ATAD2B: variants seen among roughly 807,000 people sequenced by gnomAD.
The protein encoded by ATAD2B is ATPase family AAA domain containing 2B, also known as ATPase family AAA domain-containing protein 2B.
A neutral mutation model predicts 167.6 loss-of-function variants in ATAD2B; 40 were observed. The ratio of observed to expected loss-of-function variants is 0.24; its 90% CI spans 0.19 to 0.31. The LOEUF (loss-of-function observed/expected upper bound fraction) is 0.31, where lower values mean the gene tolerates loss of function less well. Among genes scored for constraint, ATAD2B ranks in the 10% least tolerant of loss-of-function variants. The pLI, the probability that ATAD2B is intolerant of heterozygous loss-of-function variation, is 1.00. For synonymous variants in ATAD2B, 579 were observed against 596.5 expected, an observed-to-expected ratio of 0.97 and a Z score of 0.43; for missense variants, 1,242 against 1,757.2, an observed-to-expected ratio of 0.71 and a Z score of 5.24.
intron 24 of ATAD2B, among the ~76,000 whole-genome samples, chr2:23,761,846 A>G (rs192784095): frequency 6.6e-6 from 1 of 152,310 alleles, no homozygotes; most frequent in East Asian, 1.9e-4. Flanking sequence ...GGGAGTGTCC[A>G]TTTCCCACCC....
At chr2:23,784,947 C>T (rs138882182) in intron 21 of ATAD2B, among the ~76,000 whole-genome samples, 79 of 152,114 alleles carry the variant, frequency 5.2e-4, no homozygotes, top group African/African-American at 1.8e-3. Context: ...AAGTCTGTTT[C>T]CTCAACTGCA....
At chr2:23,790,740 C>G (rs1681556936) in intron 19 of ATAD2B, among the ~76,000 whole-genome samples, 1 of 152,232 alleles carries the variant, frequency 6.6e-6, no homozygotes. Context: ...ATAGTATTCA[C>G]TCATTCCTGA....
At chr2:23,879,393 A>C (rs1470812037) in intron 7 of ATAD2B, among the ~76,000 whole-genome samples, 3 of 152,176 alleles carry the variant, frequency 2.0e-5, no homozygotes, top group African/African-American at 7.2e-5. Context: ...GAATCCCTTC[A>C]GGCCAGGAGT....
At chr2:23,884,975 AC>A (rs1388921596) in intron 5 of ATAD2B, 102 bp from the exon 6 acceptor site, 4 of 509,882 alleles carry the variant, frequency 7.8e-6, no homozygotes, top group Non-Finnish European at 1.3e-5. Context: ...TTTATTGAGC[AC>A]CTATTTGCGT....
intron 23 of ATAD2B, among the ~76,000 whole-genome samples, chr2:23,764,274 G>A (rs942324069): frequency 1.3e-5 from 2 of 152,132 alleles, no homozygotes; most frequent in African/African-American, 2.4e-5. Flanking sequence ...AAGGCAATTC[G>A]ACCAATTCAT....
the ATAD2B span, among the ~76,000 whole-genome samples, chr2:23,742,865 A>C: frequency 6.6e-6 from 1 of 152,168 alleles, no homozygotes; most frequent in Non-Finnish European, 1.5e-5. Context: ...TGAAAAATTC[A>C]CTCAAGAAAA....
intron 22 of ATAD2B, among the ~76,000 whole-genome samples, chr2:23,773,356 G>A (rs1340729384): frequency 6.6e-6 from 1 of 151,982 alleles, no homozygotes; most frequent in African/African-American, 2.4e-5. Context: ...AAATTAAAAA[G>A]TTAGACAGGC....
chr2:23,774,011 G>C (rs1183065572), intron 22 of ATAD2B, among the ~76,000 whole-genome samples: 1 of 151,856 alleles, frequency 6.6e-6, no homozygotes, highest in Non-Finnish European at 1.5e-5. Flanking sequence ...TTTGTAATTG[G>C]TAAACTTTTA....
chr2:23,726,899 C>T, the ATAD2B span, among the ~76,000 whole-genome samples: 1 of 152,146 alleles, frequency 6.6e-6, no homozygotes, highest in Non-Finnish European at 1.5e-5. Flanking sequence ...TGTGAATGTC[C>T]TTAATGCCAC....
the ATAD2B span, chr2:23,703,875 C>T: frequency 1.4e-5 from 21 of 1,532,972 alleles, no homozygotes; most frequent in South Asian, 1.4e-4. Flanking sequence ...TGAGAGGCTG[C>T]GGCGCCTTGA....
intron 13 of ATAD2B, among the ~76,000 whole-genome samples, chr2:23,847,950 AC>A (rs200434396): frequency 0.039 from 5,730 of 146,704 alleles, 105 homozygotes; most frequent in Middle Eastern, 0.049. Flanking sequence ...CCGAGATCGC[AC>A]CACTGCACTC....
the ATAD2B span, chr2:23,706,518 G>A: frequency 6.5e-7 from 1 of 1,535,262 alleles, no homozygotes; most frequent in Non-Finnish European, 8.7e-7. Flanking sequence ...TGCAACTGGA[G>A]GTATTGTCAG....
At chr2:23,782,786 G>C in intron 22 of ATAD2B, 83 bp downstream of exon 22, 4 of 1,202,558 alleles carry the variant, frequency 3.3e-6, no homozygotes, top group Non-Finnish European at 4.7e-6. Flanking sequence ...TATCTATCTA[G>C]AACACAGGCA....
At chr2:23,701,793 C>CTTTTTTTTT in the ATAD2B span, among the ~76,000 whole-genome samples, 3 of 22,544 alleles carry the variant, frequency 1.3e-4, no homozygotes, top group Non-Finnish European at 2.0e-4. Flanking sequence ...CTTTTTTTTG[C>CTTTTTTTTT]TTTTTTTTTT....
chr2:23,849,036 A>G (rs1295775742), intron 13 of ATAD2B, among the ~76,000 whole-genome samples: 1 of 152,144 alleles, frequency 6.6e-6, no homozygotes, highest in Non-Finnish European at 1.5e-5. Flanking sequence ...TCAAAGTTTC[A>G]AAGTGTTTTT....
At chr2:23,782,745 G>C in intron 22 of ATAD2B, 124 bp downstream of exon 22, 2 of 683,780 alleles carry the variant, frequency 2.9e-6, no homozygotes, top group Non-Finnish European at 4.7e-6. Context: ...TTCTTATTGA[G>C]AAGTTTTGAA....
chr2:23,793,843 T>C (rs1682190601), intron 19 of ATAD2B, among the ~76,000 whole-genome samples: 2 of 152,198 alleles, frequency 1.3e-5, no homozygotes, highest in Admixed American at 6.5e-5. Context: ...CAAAAAAGCT[T>C]TTATGTATGT....
At chr2:23,917,264 C>A (rs1703177445) in intron 1 of ATAD2B, among the ~76,000 whole-genome samples, 1 of 152,200 alleles carries the variant, frequency 6.6e-6, no homozygotes, top group Non-Finnish European at 1.5e-5. Context: ...TCTGGCAAGA[C>A]TAGAGAACAT....
intron 19 of ATAD2B, among the ~76,000 whole-genome samples, chr2:23,793,933 A>G: frequency 6.6e-6 from 1 of 152,250 alleles, no homozygotes; most frequent in South Asian, 2.1e-4. Flanking sequence ...TAAAACATAT[A>G]TTCTTTTGAA....
Sources: gnomAD v4.1 joint callset for allele counts (sites outside exome capture counted in the v4.1 genomes callset) on GRCh38, gnomAD v4.1.1 for gene constraint, MANE v1.5 for transcripts, NCBI Gene and HGNC (gene_info 2026-07-23, HGNC 2026-07-21) for gene names.